The following ARMC12 variants were observed in gnomAD, a reference collection of about 807,000 sequenced individuals.
ARMC12 encodes armadillo repeat-containing protein 12.
A neutral mutation model predicts 37.4 loss-of-function variants in ARMC12; 25 were observed. That is an observed-to-expected ratio of 0.67 (90% CI 0.49 to 0.93). The LOEUF is 0.93. Ranked by LOEUF, ARMC12 falls within the 40% of genes least tolerant of loss-of-function variation. ARMC12 has a pLI of 0.00. For synonymous variants in ARMC12, 167 were observed against 176.1 expected (o/e 0.95, Z 0.41); for missense variants, 384 against 426.6 (o/e 0.90, Z 0.88).
At position 35,738,528 on chromosome 6, in the gene ARMC12, G is replaced by C; in HGVS notation, c.444+10G>C. The C allele has an allele frequency of 6.2e-7, 1 of 1,613,988 alleles. No homozygotes were observed. The highest frequency in any genetic ancestry group is 8.5e-7 in the Non-Finnish European group (1 of 1,179,976). On this transcript the variant is annotated intron_variant, in intron 3 of 5. Coordinates refer to ENST00000373866, the MANE Select transcript of ARMC12 (RefSeq NM_001286574.2). ...CAGGCTCAAAATCCAGGTGAGCCCAGGGATGCGTGGTGGGGCATGCAGGAT... is the reference window on the plus strand; with the variant it reads ...CAGGCTCAAAATCCAGGTGAGCCCACGGATGCGTGGTGGGGCATGCAGGAT...
At chr6:35,738,660 C>T (rs1390510289) in intron 3 of ARMC12, 142 bp downstream of exon 3, 1 of 1,185,678 alleles carries the variant, frequency 8.4e-7, no homozygotes, top group South Asian at 1.5e-5. Context: ...AAACGGTGGT[C>T]AGATTCCCAG....
intron 4 of ARMC12, 45 bp downstream of exon 4, chr6:35,747,479 T>C (rs1767376688): frequency 6.2e-6 from 10 of 1,613,178 alleles, no homozygotes; most frequent in Admixed American, 1.7e-5. Context: ...TGACCAGCCC[T>C]AGCACAGTAC....
At chr6:35,731,607 T>C in the ARMC12 span, among the ~76,000 whole-genome samples, 2 of 151,922 alleles carry the variant, frequency 1.3e-5, no homozygotes, top group Non-Finnish European at 2.9e-5. Context: ...TTGACCGTAC[T>C]CGCCTCCCGC....
intron 3 of ARMC12, among the ~76,000 whole-genome samples, chr6:35,739,459 A>C (rs2151038059): frequency 6.6e-6 from 1 of 152,188 alleles, no homozygotes; most frequent in East Asian, 1.9e-4. Context: ...TGGGGTGATT[A>C]CCCTTATTTT....
At position 35,738,495 on chromosome 6, in the gene ARMC12, A is replaced by G; in HGVS notation, c.421A>G (p.Arg141Gly). ...TACACTTAAAGCTTTCTCTGGCATC[A>G]GAAAATTCAGGCTCAAAATCCAGGT... ...LNTLKAFSGI[R>G]KFRLKIQEHS... Residue 141 changes from arginine to glycine, a missense_variant, in exon 3 of 6, where the codon AGA (arginine) becomes GGA (glycine). Transcript: ENST00000373866. 6.2e-7 allele frequency: 1 copy of G among 1,614,130 alleles called. No homozygotes were observed. The highest frequency in any genetic ancestry group is 8.5e-7 in the Non-Finnish European group (1 of 1,180,016).
chr6:35,738,229 T>A, intron 2 of ARMC12, 57 bp downstream of exon 2: 1 of 1,359,210 alleles, frequency 7.4e-7, no homozygotes, highest in Non-Finnish European at 9.8e-7. Flanking sequence ...TTACGGCCGA[T>A]CCCTGCCCCT....
chr6:35,741,868 G>C (rs1187828008), intron 3 of ARMC12, among the ~76,000 whole-genome samples: 1 of 151,934 alleles, frequency 6.6e-6, no homozygotes, highest in Non-Finnish European at 1.5e-5. Context: ...AAAATACCTA[G>C]AGAGATCTCT....
chr6:35,743,587 C>A (rs1767244190), intron 3 of ARMC12, among the ~76,000 whole-genome samples: 1 of 152,160 alleles, frequency 6.6e-6, no homozygotes, highest in Non-Finnish European at 1.5e-5. Flanking sequence ...CACTTTGTGC[C>A]AACACGCTGC....
chr6:35,740,687 A>G (rs576761314), intron 3 of ARMC12, among the ~76,000 whole-genome samples: 4 of 152,268 alleles, frequency 2.6e-5, no homozygotes, highest in Admixed American at 1.3e-4. Flanking sequence ...TTTGTTTAGC[A>G]GTTCCAAATT....
intron 3 of ARMC12, 53 bp downstream of exon 3, chr6:35,738,571 C>A: frequency 6.3e-7 from 1 of 1,591,218 alleles, no homozygotes; most frequent in South Asian, 1.1e-5. Flanking sequence ...GTCCTTAAGT[C>A]CTTTAATTGC....
chr6:35,742,103 T>A (rs4321818), intron 3 of ARMC12, among the ~76,000 whole-genome samples: 1 of 151,514 alleles, frequency 6.6e-6, no homozygotes, highest in Non-Finnish European at 1.5e-5. Flanking sequence ...GTGATCCACC[T>A]GCCTCAGCCT....
chr6:35,738,287 G>GT (rs377618919), intron 2 of ARMC12, 97 bp from the exon 3 acceptor site: 5 of 1,015,774 alleles, frequency 4.9e-6, no homozygotes, highest in South Asian at 1.8e-5. Flanking sequence ...TGATAGCGGT[G>GT]GGGGGGGGGT....
chr6:35,744,330 C>T (rs952716098), intron 3 of ARMC12, among the ~76,000 whole-genome samples: 1 of 151,818 alleles, frequency 6.6e-6, no homozygotes, highest in Admixed American at 6.6e-5. Context: ...TTAGTAGAGA[C>T]GGGGTTTCAC....
chr6:35,738,283 C>CGGGGGGGGGGGG (rs201221548), intron 2 of ARMC12, 101 bp from the exon 3 acceptor site: 30 of 576,334 alleles, frequency 5.2e-5, no homozygotes, highest in South Asian at 2.4e-4. Context: ...TGGCTGATAG[C>CGGGGGGGGGGGG]GGTGGGGGGG....
At chr6:35,735,009 G>A (rs1390877040), upstream of ARMC12, 2 of 152,134 alleles carry the variant, frequency 1.3e-5, no homozygotes, top group African/African-American at 2.4e-5. The surrounding 1 kb of genome is among the most constrained non-coding windows in gnomAD (Gnocchi z 4.0). Flanking sequence ...CTTAGGTGTG[G>A]CAGGAGGGAG....
At chr6:35,734,488 A>G (rs528453204), upstream of ARMC12, among the ~76,000 whole-genome samples, 3 of 152,212 alleles carry the variant, frequency 2.0e-5, no homozygotes, top group South Asian at 6.2e-4. Context: ...AATTCTCAAA[A>G]TAGGAGTGAC....
chr6:35,742,147 A>G (rs552255673), intron 3 of ARMC12, among the ~76,000 whole-genome samples: 22 of 151,924 alleles, frequency 1.4e-4, no homozygotes, highest in African/African-American at 5.1e-4. Context: ...GTCAGTCACC[A>G]CACCTGGTCA....
At chr6:35,744,133 A>ATTTGTT (rs758899217) in intron 3 of ARMC12, among the ~76,000 whole-genome samples, 11 of 151,818 alleles carry the variant, frequency 7.2e-5, no homozygotes, top group African/African-American at 1.2e-4. Flanking sequence ...GGGAGAGTGT[A>ATTTGTT]TTTGTTTTTG....
chr6:35,737,333 T>G, intron 1 of ARMC12, 62 bp downstream of exon 1: 1 of 1,614,200 alleles, frequency 6.2e-7, no homozygotes, highest in South Asian at 1.1e-5. Flanking sequence ...CCGAGGCCTC[T>G]GCTGTGGGAG....
Sources: gnomAD v4.1 joint callset for allele counts (sites outside exome capture counted in the v4.1 genomes callset) on GRCh38, gnomAD v4.1.1 for gene constraint, Gnocchi (gnomAD v3.1) non-coding constraint, MANE v1.5 for transcripts, NCBI Gene and HGNC (gene_info 2026-07-23, HGNC 2026-07-21) for gene names.